ZNF536: variants seen among roughly 807,000 people sequenced by gnomAD.
The protein encoded by ZNF536 is zinc finger protein 536.
Under a neutral mutation model 84.5 loss-of-function variants are expected in ZNF536, and 13 were observed. The observed-to-expected ratio is 0.15, with a 90% confidence interval of 0.10 to 0.24. The LOEUF (loss-of-function observed/expected upper bound fraction) is 0.24, where lower values mean the gene tolerates loss of function less well. Ranked by LOEUF, ZNF536 falls within the 10% of genes least tolerant of loss-of-function variation. The probability of loss-of-function intolerance (pLI) is 1.00; values close to 1 mark genes in which losing one functional copy is unlikely to be tolerated. For missense variants in ZNF536, 1,536 were observed against 1,747.5 expected (o/e 0.88, Z 2.16); for synonymous variants, 811 against 742.5 (o/e 1.09, Z -1.50).
chr19:30,597,763 G>T (rs2047517458), intron 1 of ZNF536, among the ~76,000 whole-genome samples: 1 of 152,096 alleles, frequency 6.6e-6, no homozygotes, highest in Non-Finnish European at 1.5e-5. Context: ...GCATAGTTTT[G>T]TTGTTGTTTT....
At chr19:30,453,805 C>T (rs2052716664) in intron 2 of ZNF536, among the ~76,000 whole-genome samples, 1 of 152,242 alleles carries the variant, frequency 6.6e-6, no homozygotes, top group Non-Finnish European at 1.5e-5. Context: ...ATTCATTTGC[C>T]TCCTGTTTCC....
chr19:30,589,756 C>T (rs546673278), intron 1 of ZNF536, among the ~76,000 whole-genome samples: 1 of 152,296 alleles, frequency 6.6e-6, no homozygotes, highest in Admixed American at 6.5e-5. Flanking sequence ...CATTCTTCAA[C>T]TCTGTATCCA....
chr19:30,664,862 G>A (rs2050258797), intron 1 of ZNF536, among the ~76,000 whole-genome samples: 1 of 152,232 alleles, frequency 6.6e-6, no homozygotes, highest in Admixed American at 6.5e-5. Flanking sequence ...TGATGTCTGG[G>A]CTGCCAGCCC....
At position 30,658,363 on chromosome 19, in the gene ZNF536, A is replaced by G. The variant is rs202021291; in HGVS notation, c.170-52394A>G. On this transcript the variant is annotated intron_variant, in intron 1 of 1. Coordinates refer to the ZNF536 transcript ENST00000592773. ...ATTAAAACCCAAGCTCCCCTCAGCC[A>G]CAATGCCCAGAGTGATCAGGTCATT... 2.0e-5 allele frequency among the ~76,000 whole-genome samples: 3 copies of G among 152,246 alleles called. No homozygotes were observed. In the East Asian group the frequency reaches 5.8e-4, roughly 29 times the overall value.
At chr19:30,380,510 G>A (rs2048982803) in intron 1 of ZNF536, among the ~76,000 whole-genome samples, 1 of 152,136 alleles carries the variant, frequency 6.6e-6, no homozygotes, top group Non-Finnish European at 1.5e-5. Flanking sequence ...AAAAAAGAGG[G>A]GAGACACAGA....
At position 30,445,656 on chromosome 19, in the gene ZNF536, C is replaced by G. The variant is rs1049655705; in HGVS notation, c.2094C>G (p.Ser698Arg). ...GCTCCTCTAACGTCACCGAGGAGAGCGGGGTCGGAGGCGGCCTCTCCCAGA... is the reference window on the plus strand; with the variant it reads ...GCTCCTCTAACGTCACCGAGGAGAGGGGGGTCGGAGGCGGCCTCTCCCAGA... Reference protein sequence around the residue: ...TPGSSNVTEESGVGGGLSQTG... With the variant: ...TPGSSNVTEERGVGGGLSQTG... The change falls in exon 2 of 5, where the codon AGC becomes AGG. Residue 698 changes from serine to arginine, a missense_variant. Physicochemically the swap from Ser to Arg is moderately radical, Grantham distance 110. This residue lies in a region of ZNF536 where 148 missense variants were observed against 205.4 expected (regional missense o/e 0.72). Transcript: ENST00000355537. This position sits in a 1 kb window ranked among gnomAD's most constrained non-coding sequence, Gnocchi z 4.5. 6.2e-7 allele frequency: 1 copy of G among 1,610,786 alleles called. No individual in the cohort carries two copies. Among genetic ancestry groups the G allele is most frequent in the Non-Finnish European group, 8.5e-7 (1 of 1,178,522 alleles).
intron 1 of ZNF536, among the ~76,000 whole-genome samples, chr19:30,615,331 C>T (rs998036654): frequency 6.6e-6 from 1 of 152,028 alleles, no homozygotes; most frequent in African/African-American, 2.4e-5. Flanking sequence ...TCTTTGTGTC[C>T]TTTCTCCAAC....
intron 1 of ZNF536, among the ~76,000 whole-genome samples, chr19:30,697,762 C>T (rs2051723931): frequency 6.6e-6 from 1 of 152,184 alleles, no homozygotes; most frequent in Non-Finnish European, 1.5e-5. Context: ...ATCTGCTCTG[C>T]TGCCTTCCCT....
chr19:30,444,819 C>T lies in ZNF536; in HGVS notation c.1257C>T (p.Ser419=). 1 of 1,613,826 alleles carries T rather than the reference C, an allele frequency of 6.2e-7. No individual in the cohort carries two copies. The highest frequency in any genetic ancestry group is 8.5e-7 in the Non-Finnish European group (1 of 1,180,034). The stretch of plus-strand genomic sequence containing the variant: ...TGCCTGTGCCCATGGGCGGCATGTC[C>T]CAGGAGGCCCACGCCAACCTGTACT... The part of the protein sequence containing the change: ...PEVPVPMGGM[S]QEAHANLYSR... Residue 419 remains serine, a synonymous_variant, in exon 2 of 5, where the codon TCC becomes TCT. Transcript: ENST00000355537.
At chr19:30,649,144 G>A (rs1159747941) in intron 1 of ZNF536, among the ~76,000 whole-genome samples, 1 of 152,198 alleles carries the variant, frequency 6.6e-6, no homozygotes, top group Admixed American at 6.5e-5. Flanking sequence ...GTCAGCCTCT[G>A]AGCAATGTTC....
In ZNF536 at chr19:30,321,446, T is replaced by C. The variant is rs2046852284; in HGVS notation, c.-119-30922T>C. ...GGTGACATGTGCCTGTAGTCCCAGC[T>C]ACTCAGGGGACTGAGGCAGGAGAGT... On this transcript the variant is annotated intron_variant, in intron 2 of 5. Transcript: ENST00000585628. Among the ~76,000 whole-genome samples the C allele has an allele frequency of 2.6e-5, 4 of 152,186 alleles. No homozygotes were observed. The South Asian group carries it at 8.3e-4, about 32-fold the overall frequency.
At chr19:30,539,635 C>A (rs1294486216) in intron 3 of ZNF536, among the ~76,000 whole-genome samples, 1 of 152,210 alleles carries the variant, frequency 6.6e-6, no homozygotes, top group African/African-American at 2.4e-5. Context: ...CAGGATTGGT[C>A]TCCATGCACC....
chr19:30,445,204 C>T lies in ZNF536; in HGVS notation c.1642C>T (p.His548Tyr), dbSNP rs2052263455. ...LSKEHPLQRN[H>Y]EDTLANAGVL... Reference sequence around the variant, plus strand: ...TAAAGAGCATCCGCTGCAGCGCAACCACGAAGACACTTTGGCAAACGCCGG... The same window carrying T: ...TAAAGAGCATCCGCTGCAGCGCAACTACGAAGACACTTTGGCAAACGCCGG... The change falls in exon 2 of 5, where the codon CAC becomes TAC. Residue 548 changes from histidine (H) to tyrosine (Y), a missense_variant. Transcript: ENST00000355537. This position sits in a 1 kb window ranked among gnomAD's most constrained non-coding sequence, Gnocchi z 4.5. 1 of 1,614,200 alleles carries T rather than the reference C, an allele frequency of 6.2e-7. No homozygotes were observed. The highest frequency in any genetic ancestry group is 1.1e-5 in the South Asian group (1 of 91,086).
rs185126928 is a variant in ZNF536, at chr19:30,514,099, G to A, written c.2171-20748G>A. On this transcript the variant is annotated intron_variant, in intron 2 of 4. Transcript: ENST00000355537. The stretch of plus-strand genomic sequence containing the variant: ...TGGTCCTTGACCCGTGGCAGGCTTT[G>A]CTTTGCTTTTGAAGCTGAGCAGATT... Among the ~76,000 whole-genome samples, 4 of 152,270 alleles carry A rather than the reference G, an allele frequency of 2.6e-5. No homozygotes were observed. The East Asian group carries it at 5.8e-4, about 22-fold the overall frequency.
intron 1 of ZNF536, among the ~76,000 whole-genome samples, chr19:30,406,220 G>A (rs1351475876): frequency 6.6e-6 from 1 of 152,176 alleles, no homozygotes; most frequent in Non-Finnish European, 1.5e-5. Context: ...TTATAGCCTA[G>A]CAGGGGCACC....
chr19:30,368,123 T>C (rs957324446), upstream of ZNF536, among the ~76,000 whole-genome samples: 1 of 152,030 alleles, frequency 6.6e-6, no homozygotes, highest in Non-Finnish European at 1.5e-5. Context: ...ATTCTTCTTG[T>C]GATGACAAGG....
At chr19:30,359,081 G>A (rs1041038926) in intron 3 of ZNF536, among the ~76,000 whole-genome samples, 1 of 149,822 alleles carries the variant, frequency 6.7e-6, no homozygotes, top group African/African-American at 2.6e-5. Context: ...AGGAGTGTGG[G>A]CCGAGTTTGT....
chr19:30,590,775 C>T lies in ZNF536; in HGVS notation c.169+41261C>T, dbSNP rs35788735. ...AGAGTGAGAGGCTTGGACTTGATTG[C>T]TTCAGAGGATGCTTCCAGTTCTGGT... is the stretch of plus-strand genomic sequence containing the variant. On this transcript the variant is annotated intron_variant, in intron 1 of 1. Coordinates refer to the ZNF536 transcript ENST00000592773. Among the ~76,000 whole-genome samples the T allele has an allele frequency of 2.1e-3, 325 of 152,312 alleles. 1 individual carries two copies. The highest frequency in any genetic ancestry group is 6.8e-3 in the Middle Eastern group (2 of 294).
chr19:30,311,001 C>T (rs1266193085), intron 2 of ZNF536, among the ~76,000 whole-genome samples: 9 of 152,200 alleles, frequency 5.9e-5, no homozygotes, highest in South Asian at 2.1e-4. Flanking sequence ...GGAGATCCAT[C>T]GTTCCCTGAT....
Sources: allele counts gnomAD v4.1 joint callset (sites outside exome capture counted in the v4.1 genomes callset), GRCh38; gene constraint gnomAD v4.1.1; regional missense constraint gnomAD v4.1.1; non-coding constraint Gnocchi (gnomAD v3.1); transcripts MANE v1.5; gene names NCBI Gene and HGNC (gene_info 2026-07-23, HGNC 2026-07-21).